PCSK6: variants seen among roughly 807,000 people sequenced by gnomAD.
PCSK6 encodes proprotein convertase subtilisin/kexin type 6, also known as paired basic amino acid cleaving enzyme 4.
In PCSK6, 85 loss-of-function variants were observed where a neutral mutation model predicts 123.3. The ratio of observed to expected loss-of-function variants is 0.69; its 90% CI spans 0.58 to 0.83. The LOEUF is 0.83. Among genes scored for constraint, PCSK6 ranks in the 40% least tolerant of loss-of-function variants. The pLI, the probability that PCSK6 is intolerant of heterozygous loss-of-function variation, is 0.00. For missense variants in PCSK6, 1,191 were observed against 1,282.3 expected (o/e 0.93, Z 1.09); for synonymous variants, 508 against 516.0 (o/e 0.98, Z 0.21).
intron 2 of PCSK6, among the ~76,000 whole-genome samples, chr15:101,438,531 G>A (rs2056666318): frequency 6.6e-6 from 1 of 152,168 alleles, no homozygotes; most frequent in Non-Finnish European, 1.5e-5. Flanking sequence ...ACCTCCTGTT[G>A]CATTGGCAAG....
At chr15:101,326,812 G>A (rs1460955807) in intron 15 of PCSK6, among the ~76,000 whole-genome samples, 1 of 152,220 alleles carries the variant, frequency 6.6e-6, no homozygotes, top group Admixed American at 6.5e-5. Flanking sequence ...GGGAGAGGCT[G>A]GAACAGCTGT....
chr15:101,342,224 T>C (rs982702117), intron 13 of PCSK6, among the ~76,000 whole-genome samples: 4 of 140,076 alleles, frequency 2.9e-5, no homozygotes, highest in African/African-American at 8.1e-5. Context: ...AGAAGTAAAA[T>C]ATACAACACC....
chr15:101,438,622 C>T (rs771930850), intron 2 of PCSK6, among the ~76,000 whole-genome samples: 3 of 152,218 alleles, frequency 2.0e-5, no homozygotes, highest in Non-Finnish European at 4.4e-5. Context: ...CTTCCCATCG[C>T]CTCTCCTCTG....
At position 101,370,422 on chromosome 15, in the gene PCSK6, C is replaced by T. The variant is rs367969161; in HGVS notation, c.1634G>A (p.Arg545His). 3.5e-5 allele frequency: 55 copies of T among 1,552,142 alleles called. No individual in the cohort carries two copies. The highest frequency in any genetic ancestry group is 4.9e-5 in the East Asian group (2 of 40,922). Reference protein sequence around the residue: ...RVVYLEHVVVRTSISHPRRGD... With the variant: ...RVVYLEHVVVHTSISHPRRGD... ...TCGGCGTGGGTGTGAGATGGAGGTGCGAACCACCACGTGCTCCAAGTAGAC... is the reference window on the plus strand; with the variant it reads ...TCGGCGTGGGTGTGAGATGGAGGTGTGAACCACCACGTGCTCCAAGTAGAC... Residue 545 changes from arginine to histidine, a missense_variant, in exon 12 of 22, where the codon CGC becomes CAC. This residue lies in a region of PCSK6 where 630 missense variants were observed against 631.4 expected (regional missense o/e 1.00). Transcript: ENST00000611716.
intron 20 of PCSK6, among the ~76,000 whole-genome samples, chr15:101,309,876 T>C (rs2039812785): frequency 6.6e-6 from 1 of 151,786 alleles, no homozygotes; most frequent in African/African-American, 2.4e-5. Flanking sequence ...GTTCTCAGCG[T>C]CGGGCCTCGG....
chr15:101,403,277 G>C (rs529957070), intron 6 of PCSK6, among the ~76,000 whole-genome samples: 4 of 112,958 alleles, frequency 3.5e-5, no homozygotes, highest in Non-Finnish European at 7.1e-5. Context: ...GTTGTGGGGT[G>C]GGGGGAGGGG....
At position 101,318,417 on chromosome 15, in the gene PCSK6, G is replaced by A. The variant is rs755037285; in HGVS notation, c.2471C>T (p.Ala824Val). The A allele has an allele frequency of 1.5e-5, 23 of 1,556,528 alleles. No homozygotes were observed. Among genetic ancestry groups the A allele is most frequent in the Non-Finnish European group, 7.8e-6 (9 of 1,149,890 alleles). ...CTVCKEGFSL[A>V]RGSCIPDCEP... Reference sequence around the variant, plus strand: ...ACAGTCAGGAATGCAGCTGCCCCGTGCAAGGCTGTTGAAAAGAAAGAGGCA... The same window carrying A: ...ACAGTCAGGAATGCAGCTGCCCCGTACAAGGCTGTTGAAAAGAAAGAGGCA... The change falls in exon 19 of 22, where the codon GCA becomes GTA. Residue 824 changes from alanine to valine, a missense_variant. By Grantham distance (64) the Ala-to-Val change is moderately conservative. This residue lies in a region of PCSK6 where 630 missense variants were observed against 631.4 expected (regional missense o/e 1.00). Coordinates refer to ENST00000611716, the MANE Select transcript of PCSK6 (RefSeq NM_002570.5).
intron 12 of PCSK6, among the ~76,000 whole-genome samples, chr15:101,369,046 G>A (rs954809369): frequency 6.6e-6 from 1 of 152,118 alleles, no homozygotes; most frequent in South Asian, 2.1e-4. Flanking sequence ...GCTATGAAAG[G>A]AGAATGTGGG....
chr15:101,335,133 T>C (rs1342682924), intron 13 of PCSK6, among the ~76,000 whole-genome samples: 1 of 152,140 alleles, frequency 6.6e-6, no homozygotes, highest in Non-Finnish European at 1.5e-5. Context: ...CTACTTTTTG[T>C]ATTTTTGGTA....
rs77549941 is a variant in PCSK6, at chr15:101,415,065, G to A, written c.823+12827C>T. ...GAGATAGAGAGGATTTTATATTGAT[G>A]AAGATTCATTATACCTTGTAATGTA... On this transcript the variant is annotated intron_variant, in intron 6 of 21. Transcript: ENST00000611716. Among the ~76,000 whole-genome samples, 630 of 152,336 alleles carry A rather than the reference G, an allele frequency of 4.1e-3. 5 individuals carry two copies. The East Asian group carries it at 0.053, about 13-fold the overall frequency.
rs545433902 is a variant in PCSK6 at position 101,378,041 on chromosome 15, C to T, written c.1532+4051G>A. Among the ~76,000 whole-genome samples the T allele has an allele frequency of 3.8e-4, 58 of 152,212 alleles. 1 individual carries two copies. In the South Asian group the frequency reaches 8.1e-3, roughly 21 times the overall value. On this transcript the variant is annotated intron_variant, in intron 11 of 21. Coordinates refer to ENST00000611716, the MANE Select transcript of PCSK6 (RefSeq NM_002570.5). ...CCAGAAGCCTGGATTTTCAAAGCAG[C>T]GACAGAAGCACTGGCTAGAAAAATC...
intron 1 of PCSK6, among the ~76,000 whole-genome samples, chr15:101,455,252 CCAG>C (rs1432221165): frequency 2.6e-5 from 4 of 152,212 alleles, no homozygotes; most frequent in Non-Finnish European, 5.9e-5. Context: ...CTCCAGTGTA[CCAG>C]CAGCATCTGG....
chr15:101,431,929 C>T, intron 3 of PCSK6, 61 bp downstream of exon 3: 1 of 1,188,444 alleles, frequency 8.4e-7, no homozygotes, highest in Non-Finnish European at 1.2e-6. Context: ...GGAAATTAAC[C>T]CATTTCAGAG....
rs2056420089 is a variant in PCSK6, at chr15:101,430,707, G to A, written c.657+613C>T. Among the ~76,000 whole-genome samples the A allele has an allele frequency of 2.0e-5, 3 of 152,216 alleles. No homozygotes were observed. The South Asian group carries it at 6.2e-4, about 32-fold the overall frequency. On this transcript the variant is annotated intron_variant, in intron 4 of 21. Coordinates refer to ENST00000611716, the MANE Select transcript of PCSK6 (RefSeq NM_002570.5). Reference sequence around the variant, plus strand: ...GGGCTGCATAACGATCTGTCAGATGGATACAATATGGTTTACTTAATCACC... The same window carrying A: ...GGGCTGCATAACGATCTGTCAGATGAATACAATATGGTTTACTTAATCACC...
intron 6 of PCSK6, among the ~76,000 whole-genome samples, chr15:101,406,064 C>A (rs995220403): frequency 7.2e-5 from 11 of 152,162 alleles, no homozygotes; most frequent in African/African-American, 2.7e-4. Context: ...ATTTATATCT[C>A]GACTTTCCAA....
intron 13 of PCSK6, among the ~76,000 whole-genome samples, chr15:101,339,911 AT>A (rs1225493444): frequency 3.9e-4 from 14 of 36,072 alleles, no homozygotes; most frequent in African/African-American, 3.3e-3. Flanking sequence ...CCCTTTCTCA[AT>A]ATATATATAT....
Position 101,318,906 on chromosome 15 carries a change from C to T in PCSK6, c.2466-484G>A, listed in dbSNP as rs538847864. Among the ~76,000 whole-genome samples the T allele has an allele frequency of 1.2e-4, 18 of 152,324 alleles. No homozygotes were observed. The South Asian group carries it at 2.5e-3, about 21-fold the overall frequency. ...GAAACCTTGGAACCTTCTGCAGCTT[C>T]GCAATGAACTTGAAATAAGACGCCC... On this transcript the variant is annotated intron_variant, in intron 18 of 21. Transcript: ENST00000611716.
intron 13 of PCSK6, among the ~76,000 whole-genome samples, chr15:101,332,281 C>T (rs1379620954): frequency 6.6e-6 from 1 of 152,238 alleles, no homozygotes; most frequent in Non-Finnish European, 1.5e-5. Context: ...CGCTTCCTGT[C>T]CCTGCTGGGA....
intron 13 of PCSK6, chr15:101,364,774 C>A: frequency 2.2e-6 from 1 of 445,536 alleles, no homozygotes; most frequent in Non-Finnish European, 4.0e-6. Flanking sequence ...AGAATTCCAA[C>A]TACCTTTTAA....
Sources: allele counts gnomAD v4.1 joint callset (sites outside exome capture counted in the v4.1 genomes callset), GRCh38; gene constraint gnomAD v4.1.1; regional missense constraint gnomAD v4.1.1; transcripts MANE v1.5; gene names NCBI Gene and HGNC (gene_info 2026-07-23, HGNC 2026-07-21).